Variants in FHIP1A observed in about 807,000 individuals in gnomAD.
The protein encoded by FHIP1A is FHF complex subunit HOOK-interacting protein 1A.
In FHIP1A, 61 loss-of-function variants were observed where a neutral mutation model predicts 88.6. The observed-to-expected ratio is 0.69, with a 90% CI of 0.56 to 0.85. The LOEUF is 0.85. Ranked by LOEUF, FHIP1A falls within the 40% of genes least tolerant of loss-of-function variation. FHIP1A has a pLI of 0.00. For synonymous variants in FHIP1A, 478 were observed against 496.0 expected (o/e 0.96, Z 0.48); for missense variants, 1,154 against 1,273.5 (o/e 0.91, Z 1.43).
At chr4:151,412,964 G>T (rs529995947) in intron 1 of FHIP1A, among the ~76,000 whole-genome samples, 20 of 151,924 alleles carry the variant, frequency 1.3e-4, no homozygotes, top group African/African-American at 4.6e-4. Flanking sequence ...GATTATAGAC[G>T]TGAGCCACCG....
rs1736798973 is a variant in FHIP1A at position 151,646,540 on chromosome 4, T to A, written c.1227-18T>A. 1 of 1,541,194 alleles carries A rather than the reference T, an allele frequency of 6.5e-7. No individual in the cohort carries two copies. The highest frequency in any genetic ancestry group is 1.4e-5 in the African/African-American group (1 of 72,780). Reference sequence around the variant, plus strand: ...AGACATTGCAGAGACCAAACGCTTGTTCTTTTTGTCATTCTAGGTATCTGA... The same window carrying A: ...AGACATTGCAGAGACCAAACGCTTGATCTTTTTGTCATTCTAGGTATCTGA... On this transcript the variant is annotated intron_variant, in intron 9 of 13. Transcript: ENST00000435205.
Position 151,573,281 on chromosome 4 carries a change from C to CACACACACACAT in FHIP1A, c.106-4158_106-4157insTACACACACACA, listed in dbSNP as rs1553955324. 6.1e-4 allele frequency among the ~76,000 whole-genome samples: 93 copies of CACACACACACAT among 152,008 alleles called. 1 individual carries two copies. Among genetic ancestry groups the CACACACACACAT allele is most frequent in the African/African-American group, 2.1e-3 (88 of 41,378 alleles). On this transcript the variant is annotated intron_variant, in intron 4 of 13. Transcript: ENST00000435205. ...CTAATGATGCATCCAAACACACACA[C>CACACACACACAT]ACACACACACACATACACACACACA...
At chr4:151,529,080 A>G (rs1272143076) in intron 3 of FHIP1A, among the ~76,000 whole-genome samples, 1 of 152,118 alleles carries the variant, frequency 6.6e-6, no homozygotes, top group African/African-American at 2.4e-5. Flanking sequence ...AGTCCAACAA[A>G]GCAGCTTGGT....
At chr4:151,484,992 A>C (rs765629184) in intron 3 of FHIP1A, among the ~76,000 whole-genome samples, 14 of 152,192 alleles carry the variant, frequency 9.2e-5, no homozygotes, top group Non-Finnish European at 2.1e-4. Context: ...AGCCATTTTC[A>C]AAAGTGGTTT....
chr4:151,543,043 T>G (rs1298294924), intron 3 of FHIP1A, among the ~76,000 whole-genome samples: 1 of 152,220 alleles, frequency 6.6e-6, no homozygotes, highest in Non-Finnish European at 1.5e-5. Flanking sequence ...ACTTATGTAT[T>G]GCTACTATGT....
At chr4:151,599,636 C>T (rs1055679151) in intron 7 of FHIP1A, among the ~76,000 whole-genome samples, 1 of 152,184 alleles carries the variant, frequency 6.6e-6, no homozygotes, top group Non-Finnish European at 1.5e-5. Flanking sequence ...ATACTCAGTG[C>T]TTCCAGTCAC....
chr4:151,437,060 T>A (rs1012239135), intron 1 of FHIP1A, among the ~76,000 whole-genome samples: 4 of 152,188 alleles, frequency 2.6e-5, no homozygotes, highest in Non-Finnish European at 4.4e-5. Context: ...ATATTTTTTA[T>A]CCTTGATTAG....
intron 7 of FHIP1A, among the ~76,000 whole-genome samples, chr4:151,626,063 A>T (rs1224237897): frequency 6.6e-6 from 1 of 152,212 alleles, no homozygotes; most frequent in Non-Finnish European, 1.5e-5. Context: ...TTGCATATAT[A>T]TGTATATTTA....
At chr4:151,631,900 T>G (rs963146816) in intron 8 of FHIP1A, among the ~76,000 whole-genome samples, 2 of 152,116 alleles carry the variant, frequency 1.3e-5, no homozygotes, top group African/African-American at 4.8e-5. Flanking sequence ...AAAGTAGCTG[T>G]AAGACACACA....
chr4:151,514,603 A>G (rs1731159008), intron 3 of FHIP1A, among the ~76,000 whole-genome samples: 2 of 152,194 alleles, frequency 1.3e-5, no homozygotes, highest in African/African-American at 4.8e-5. Flanking sequence ...TAGACACAAT[A>G]AAAAATGGTA....
At chr4:151,585,297 A>G (rs1734169801) in intron 5 of FHIP1A, among the ~76,000 whole-genome samples, 1 of 151,930 alleles carries the variant, frequency 6.6e-6, no homozygotes, top group South Asian at 2.1e-4. Context: ...CTTTTGCCTC[A>G]GCTTCCTGAG....
rs553624341 is a variant in FHIP1A at position 151,444,236 on chromosome 4, C to G, written c.-355-10465C>G. Among the ~76,000 whole-genome samples, 8 of 152,218 alleles carry G rather than the reference C, an allele frequency of 5.3e-5. No individual in the cohort carries two copies. In the East Asian group the frequency reaches 1.5e-3, roughly 29 times the overall value. On this transcript the variant is annotated intron_variant, in intron 1 of 13. Transcript: ENST00000435205. Reference sequence around the variant, plus strand: ...TCCCATTTTGTTCTTTGATGTTTCTCCCTGCATTAGGGACTCAGGAGGGAC... The same window carrying G: ...TCCCATTTTGTTCTTTGATGTTTCTGCCTGCATTAGGGACTCAGGAGGGAC...
At position 151,426,762 on chromosome 4, in the gene FHIP1A, G is replaced by C. The variant is rs149638552; in HGVS notation, c.-356+17297G>C. Among the ~76,000 whole-genome samples, 644 of 152,244 alleles carry C rather than the reference G, an allele frequency of 4.2e-3. 8 individuals are homozygous for C. Among genetic ancestry groups the C allele is most frequent in the African/African-American group, 0.014 (579 of 41,552 alleles). On this transcript the variant is annotated intron_variant, in intron 1 of 13. Transcript: ENST00000435205. ...AGAGAGCACTTCCTGGCATAGGCTG[G>C]TGGTAATATTTTCCTGTGAATTTTG... is the stretch of plus-strand genomic sequence containing the variant.
intron 3 of FHIP1A, chr4:151,534,768 G>A (rs1269227848): frequency 1.3e-5 from 2 of 152,184 alleles, no homozygotes; most frequent in Non-Finnish European, 2.9e-5. Context: ...TGGAGAAAAT[G>A]GATCACTAGT....
chr4:151,530,484 T>C (rs1731832981), intron 3 of FHIP1A, among the ~76,000 whole-genome samples: 1 of 152,232 alleles, frequency 6.6e-6, no homozygotes, highest in Non-Finnish European at 1.5e-5. Flanking sequence ...ATTTGCCATT[T>C]CTTTTTGTTC....
chr4:151,411,504 C>T (rs1026529828), intron 1 of FHIP1A, among the ~76,000 whole-genome samples: 1 of 151,516 alleles, frequency 6.6e-6, no homozygotes, highest in African/African-American at 2.4e-5. Context: ...TTCATGCCAT[C>T]ACACTCTGTT....
chr4:151,567,449 C>T (rs771439458), intron 4 of FHIP1A, among the ~76,000 whole-genome samples: 2 of 151,770 alleles, frequency 1.3e-5, no homozygotes, highest in African/African-American at 2.4e-5. Flanking sequence ...AAACCTTCTC[C>T]GATTTTTTGT....
At chr4:151,467,250 A>C (rs1037642476) in intron 2 of FHIP1A, among the ~76,000 whole-genome samples, 1 of 152,270 alleles carries the variant, frequency 6.6e-6, no homozygotes, top group Non-Finnish European at 1.5e-5. Context: ...TCGTTAGAGA[A>C]ATGCAAATCA....
At chr4:151,478,669 T>A (rs900841096) in intron 2 of FHIP1A, among the ~76,000 whole-genome samples, 1 of 152,130 alleles carries the variant, frequency 6.6e-6, no homozygotes, top group Admixed American at 6.6e-5. Context: ...CTACAAGGCC[T>A]TCTTAGAGCC....
Sources: gnomAD v4.1 joint callset for allele counts (sites outside exome capture counted in the v4.1 genomes callset) on GRCh38, gnomAD v4.1.1 for gene constraint, MANE v1.5 for transcripts, NCBI Gene and HGNC (gene_info 2026-07-23, HGNC 2026-07-21) for gene names.